Variants in DNAH14 observed in about 807,000 individuals in gnomAD.
DNAH14 encodes the protein axonemal beta dynein heavy chain 14.
In DNAH14, 478 loss-of-function variants were observed where a neutral mutation model predicts 520.9. The ratio of observed to expected loss-of-function variants is 0.92; its 90% CI spans 0.85 to 0.99. The LOEUF (loss-of-function observed/expected upper bound fraction) is 0.99, where lower values mean the gene tolerates loss of function less well. Among genes scored for constraint, DNAH14 ranks in the 50% least tolerant of loss-of-function variants. The pLI is 0.00. For synonymous variants in DNAH14, 1,581 were observed against 1,757.2 expected (o/e 0.90, Z 2.51); for missense variants, 4,831 against 5,234.5 (o/e 0.92, Z 2.38).
Position 225,085,739 on chromosome 1 carries a change from C to CTTGCAACAATTA in DNAH14, c.3523_3524insTTGCAACAATTA (p.Gln1175delinsLeuAlaThrIleLys). On this transcript the variant is annotated protein_altering_variant, in exon 21 of 86. Coordinates refer to ENST00000682510, the MANE Select transcript of DNAH14 (RefSeq NM_001367479.1). ...CATATCAGCTCAGTTAGAAGAGTCT[C>CTTGCAACAATTA]AAGTCATACTTGCAACAATTAAAGG... 6.4e-7 allele frequency: 1 copy of CTTGCAACAATTA among 1,551,358 alleles called. No homozygotes were observed. The highest frequency in any genetic ancestry group is 1.2e-5 in the South Asian group (1 of 83,910).
intron 27 of DNAH14, among the ~76,000 whole-genome samples, chr1:225,125,102 A>G (rs568132910): frequency 2.6e-5 from 4 of 152,310 alleles, no homozygotes; most frequent in South Asian, 2.1e-4. Context: ...CATGCTGAAA[A>G]CAGATGTGCT....
At chr1:225,137,553 A>G (rs1392480114) in intron 27 of DNAH14, among the ~76,000 whole-genome samples, 1 of 152,016 alleles carries the variant, frequency 6.6e-6, no homozygotes, top group Non-Finnish European at 1.5e-5. Flanking sequence ...ACAGCATTTC[A>G]CCATGTTGGC....
chr1:224,939,418 C>T (rs549713433), intron 1 of DNAH14, among the ~76,000 whole-genome samples: 1 of 152,106 alleles, frequency 6.6e-6, no homozygotes, highest in Non-Finnish European at 1.5e-5. Context: ...TGCCTGTAAT[C>T]CCAGCACTTT....
chr1:225,341,811 C>G (rs937552319), intron 69 of DNAH14, among the ~76,000 whole-genome samples: 2 of 152,180 alleles, frequency 1.3e-5, no homozygotes, highest in African/African-American at 4.8e-5. Flanking sequence ...ATGTATGCCC[C>G]TAAGTCAACT....
chr1:225,053,109 A>G (rs2068701216), intron 17 of DNAH14, among the ~76,000 whole-genome samples: 1 of 152,176 alleles, frequency 6.6e-6, no homozygotes. Flanking sequence ...GAACTCAGTT[A>G]TGTGCCCTCA....
chr1:225,119,752 A>G (rs376613220), intron 26 of DNAH14, among the ~76,000 whole-genome samples: 1 of 152,226 alleles, frequency 6.6e-6, no homozygotes. Context: ...AGAATGAAGA[A>G]AAAAACCTCA....
At chr1:225,171,078 A>G (rs1413047257) in intron 36 of DNAH14, among the ~76,000 whole-genome samples, 2 of 152,232 alleles carry the variant, frequency 1.3e-5, no homozygotes, top group Non-Finnish European at 2.9e-5. Context: ...CAATGAGAAC[A>G]AAGACACAGC....
intron 31 of DNAH14, among the ~76,000 whole-genome samples, chr1:225,151,148 G>A (rs1051126089): frequency 6.6e-6 from 1 of 152,088 alleles, no homozygotes; most frequent in Non-Finnish European, 1.5e-5. Flanking sequence ...AGCAATAAAA[G>A]CAAAAATTTT....
intron 41 of DNAH14, among the ~76,000 whole-genome samples, chr1:225,225,233 G>T (rs1157596244): frequency 6.6e-6 from 1 of 152,160 alleles, no homozygotes; most frequent in Non-Finnish European, 1.5e-5. Context: ...TAGAGGACTA[G>T]AACCTAATTA....
intron 67 of DNAH14, among the ~76,000 whole-genome samples, chr1:225,337,746 G>A (rs886836425): frequency 6.6e-5 from 10 of 152,124 alleles, no homozygotes; most frequent in Non-Finnish European, 1.5e-4. Flanking sequence ...TGGGTACATA[G>A]TAGGTGTATA....
intron 17 of DNAH14, among the ~76,000 whole-genome samples, chr1:225,063,743 T>C (rs566302711): frequency 6.6e-6 from 1 of 151,824 alleles, no homozygotes; most frequent in Non-Finnish European, 1.5e-5. Flanking sequence ...AATGATGAAA[T>C]AGTTTCCAGA....
At chr1:225,331,883 C>T (rs980782716) in intron 65 of DNAH14, among the ~76,000 whole-genome samples, 1 of 152,110 alleles carries the variant, frequency 6.6e-6, no homozygotes, top group Non-Finnish European at 1.5e-5. Context: ...CCTTTTCTAG[C>T]ACTGGGAGAA....
chr1:225,099,603 G>T (rs2075280035), intron 22 of DNAH14, among the ~76,000 whole-genome samples: 1 of 152,084 alleles, frequency 6.6e-6, no homozygotes, highest in Admixed American at 6.6e-5. Flanking sequence ...CAGAAACTGA[G>T]AAATCCTGAC....
At chr1:225,113,787 C>T (rs984581304) in intron 23 of DNAH14, among the ~76,000 whole-genome samples, 4 of 152,156 alleles carry the variant, frequency 2.6e-5, no homozygotes, top group Admixed American at 6.5e-5. Flanking sequence ...GGAGTACTGC[C>T]GGGGTACCGC....
Position 224,991,084 on chromosome 1 carries a change from C to CTTTTT in DNAH14, c.831-11675_831-11671dup, listed in dbSNP as rs1197927461. Among the ~76,000 whole-genome samples the CTTTTT allele has an allele frequency of 4.1e-4, 32 of 77,886 alleles. 4 individuals are homozygous for CTTTTT. The highest frequency in any genetic ancestry group is 1.1e-3 in the African/African-American group (26 of 23,396). The allele number at this position is 77,886 out of a possible 152,430, so 51.1% of individuals were successfully genotyped here. On this transcript the variant is annotated intron_variant, in intron 8 of 85. Transcript: ENST00000682510. ...TTCCCTAATGATTAGTGATGTTGAG[C>CTTTTT]TTTTTTTTTTTTTTTTTTTTTTTTT... is the stretch of plus-strand genomic sequence containing the variant.
At chr1:224,958,876 A>G (rs1438150696) in intron 3 of DNAH14, among the ~76,000 whole-genome samples, 1 of 152,116 alleles carries the variant, frequency 6.6e-6, no homozygotes, top group Admixed American at 6.6e-5. Context: ...GTACTTATCA[A>G]TGAAGAGTGG....
chr1:225,083,925 A>T (rs565082870), intron 20 of DNAH14, among the ~76,000 whole-genome samples: 1 of 152,162 alleles, frequency 6.6e-6, no homozygotes, highest in Non-Finnish European at 1.5e-5. Flanking sequence ...TAAGTTAGAT[A>T]AAGGGTGAGA....
At chr1:225,147,415 T>A (rs10915788) in intron 31 of DNAH14, among the ~76,000 whole-genome samples, 166 bp downstream of exon 31, 6,576 of 152,224 alleles carry the variant, frequency 0.043, 415 homozygotes, top group African/African-American at 0.14. Flanking sequence ...ATGTTTCCAT[T>A]ACTTGGCAAA....
chr1:225,010,683 T>C (rs923671346), intron 10 of DNAH14, among the ~76,000 whole-genome samples: 2 of 152,120 alleles, frequency 1.3e-5, no homozygotes, highest in Admixed American at 1.3e-4. Flanking sequence ...CCAGCTCCTC[T>C]TTGTACCTCT....
Sources: allele counts gnomAD v4.1 joint callset (sites outside exome capture counted in the v4.1 genomes callset), GRCh38; gene constraint gnomAD v4.1.1; transcripts MANE v1.5; gene names NCBI Gene and HGNC (gene_info 2026-07-23, HGNC 2026-07-21).